Variants in MTMR11 observed in about 807,000 individuals in gnomAD.
MTMR11 encodes the protein myotubularin-related protein 11.
In MTMR11, 89 loss-of-function variants were observed where a neutral mutation model predicts 100.0. That is an observed-to-expected ratio of 0.89 (90% CI 0.75 to 1.06). MTMR11 has a LOEUF of 1.06. MTMR11 is among the 50% of genes least tolerant of loss of function. The pLI is 0.00. For synonymous variants in MTMR11, 336 were observed against 326.3 expected (o/e 1.03, Z -0.32); for missense variants, 809 against 873.7 (o/e 0.93, Z 0.93).
At chr1:149,936,409 T>C (rs144371442) in intron 1 of MTMR11, 173 bp downstream of exon 1, 16 of 1,451,664 alleles carry the variant, frequency 1.1e-5, no homozygotes, top group Middle Eastern at 3.6e-4. Context: ...GGTTAATGGA[T>C]AATGAGACAA....
chr1:149,930,086 C>T, intron 15 of MTMR11, 170 bp from the exon 16 acceptor site: 1 of 775,180 alleles, frequency 1.3e-6, no homozygotes, highest in Non-Finnish European at 2.0e-6. Context: ...TTCAACTAGG[C>T]CTCGGGACTG....
At chr1:149,930,744 A>T in intron 14 of MTMR11, 48 bp downstream of exon 14, 1 of 1,506,122 alleles carries the variant, frequency 6.6e-7, no homozygotes, top group Non-Finnish European at 8.9e-7. Flanking sequence ...TTCAGAGAGT[A>T]CATCTCAATG....
rs1250054150 is a variant in MTMR11, at chr1:149,935,017, T to A, written c.437A>T (p.Glu146Val). Residue 146 changes from glutamate (E) to valine (V), a missense_variant, in exon 5 of 17, where the codon GAG becomes GTG. Glu to Val is a moderately radical substitution (Grantham distance 121). Transcript: ENST00000439741. ...AGCCTGAGGCTCTAGGCCTCCAGCC[T>A]CAAAACCAACTCTGAGCAGCCGGAA... Reference protein sequence around the residue: ...RDFRLLRVGFEAGGLEPQAFQ... With the variant: ...RDFRLLRVGFVAGGLEPQAFQ... 1 of 1,613,980 alleles carries A rather than the reference T, an allele frequency of 6.2e-7. No homozygotes were observed. The highest frequency in any genetic ancestry group is 1.3e-5 in the African/African-American group (1 of 75,000).
chr1:149,929,136 A>G lies in MTMR11; in HGVS notation c.2123T>C (p.Leu708Pro). The change falls in exon 17 of 17, where the codon CTG (leucine) becomes CCG (proline). Residue 708 changes from leucine to proline, a missense_variant. By Grantham distance (98) the Leu-to-Pro change is moderately conservative. Coordinates refer to ENST00000439741, the MANE Select transcript of MTMR11 (RefSeq NM_001145862.2). ...GILKGRAEGD[L>P]G The stretch of plus-strand genomic sequence containing the variant: ...ATTAGACAGAACCCTCCTCTACCCC[A>G]GATCCCCCTCTGCCCTGCCTTTGAG... 1.2e-6 allele frequency: 2 copies of G among 1,610,906 alleles called. No homozygotes were observed. Among genetic ancestry groups the G allele is most frequent in the Non-Finnish European group, 1.7e-6 (2 of 1,178,418 alleles).
chr1:149,935,091 C>T lies in MTMR11; in HGVS notation c.363G>A (p.Gly121=), dbSNP rs369523375. The change falls in exon 5 of 17, where the codon GGG becomes GGA. Residue 121 remains glycine, a synonymous_variant. Coordinates refer to ENST00000439741, the MANE Select transcript of MTMR11 (RefSeq NM_001145862.2). The part of the protein sequence containing the change: ...GLSRVQLLRP[G]SLHKFIPEEI... ...CCTCAGGGATAAATTTATGCAGGGA[C>T]CCTGGACGGAGGAGCTGGACTCGGG... 5 of 1,614,172 alleles carry T rather than the reference C, an allele frequency of 3.1e-6. No individual in the cohort carries two copies. Among genetic ancestry groups the T allele is most frequent in the Middle Eastern group, 1.7e-4 (1 of 6,060 alleles).
intron 14 of MTMR11, 29 bp downstream of exon 14, chr1:149,930,763 A>G (rs782410968): frequency 9.2e-6 from 14 of 1,524,526 alleles, no homozygotes; most frequent in Non-Finnish European, 1.1e-5. Context: ...TGGAAAAAAA[A>G]ACACGAGTCA....
chr1:149,928,731 G>A lies in MTMR11; in HGVS notation c.*398C>T, dbSNP rs1348616406. 37 of 827,042 alleles carry A rather than the reference G, an allele frequency of 4.5e-5. No individual in the cohort carries two copies. Among genetic ancestry groups the A allele is most frequent in the Admixed American group, 2.1e-4 (9 of 43,378 alleles). 51.2% of individuals were successfully genotyped at this position (827,042 alleles called of 1,614,324 possible). On this transcript the variant is annotated 3_prime_UTR_variant, in exon 17 of 17. Coordinates refer to ENST00000439741, the MANE Select transcript of MTMR11 (RefSeq NM_001145862.2). Reference sequence around the variant, plus strand: ...ATACAGAGGAGATAGGGTGTTTCCTGTATCCGCCTCATTCCCATAGAAAAC... The same window carrying A: ...ATACAGAGGAGATAGGGTGTTTCCTATATCCGCCTCATTCCCATAGAAAAC...
At chr1:149,936,106 C>T (rs1553769123) in intron 2 of MTMR11, 48 bp downstream of exon 2, 6 of 1,564,874 alleles carry the variant, frequency 3.8e-6, no homozygotes, top group South Asian at 1.1e-5. Flanking sequence ...ACAAGATTGG[C>T]GTAGGATGAA....
chr1:149,930,936 ACAAT>A lies in MTMR11; in HGVS notation c.1316_1319del (p.Asp439ValfsTer36). 6.2e-7 allele frequency: 1 copy of A among 1,609,320 alleles called. No homozygotes were observed. The highest frequency in any genetic ancestry group is 1.1e-5 in the South Asian group (1 of 90,102). On this transcript the variant is annotated frameshift_variant, in exon 14 of 17. Coordinates refer to ENST00000439741, the MANE Select transcript of MTMR11 (RefSeq NM_001145862.2). LOFTEE classifies it high-confidence loss of function. ...GAAACTGCTGGAGGAGCTGCCAGAC[ACAAT>A]CAAGGAAGAGGAGAAACACCGGAGC...
Position 149,935,040 on chromosome 1 carries a change from G to C in MTMR11, c.414C>G (p.Phe138Leu). The C allele has an allele frequency of 6.2e-7, 1 of 1,614,130 alleles. No individual in the cohort carries two copies. The highest frequency in any genetic ancestry group is 8.5e-7 in the Non-Finnish European group (1 of 1,180,038). ...CCTCAAAACCAACTCTGAGCAGCCGGAAGTCTCGGCCATGAATCAGAATCT... is the reference window on the plus strand; with the variant it reads ...CCTCAAAACCAACTCTGAGCAGCCGCAAGTCTCGGCCATGAATCAGAATCT... ...PEEILIHGRD[F>L]RLLRVGFEAG... The change falls in exon 5 of 17, where the codon TTC becomes TTG. Residue 138 changes from phenylalanine (F) to leucine (L), a missense_variant. By Grantham distance (22) the Phe-to-Leu change is conservative (BLOSUM62 0). Coordinates refer to ENST00000439741, the MANE Select transcript of MTMR11 (RefSeq NM_001145862.2).
In MTMR11 at chr1:149,933,829, GCCATTACCCTAA is replaced by G; in HGVS notation, c.771+14_771+25del. On this transcript the variant is annotated intron_variant, in intron 8 of 16. Coordinates refer to ENST00000439741, the MANE Select transcript of MTMR11 (RefSeq NM_001145862.2). The stretch of plus-strand genomic sequence containing the variant: ...GGCCCACATGACCCTCTAATCCACA[GCCATTACCCTAA>G]CCATCACACTGACCGGTCCACGGCC... 6.2e-7 allele frequency: 1 copy of G among 1,611,580 alleles called. No homozygotes were observed. The highest frequency in any genetic ancestry group is 8.5e-7 in the Non-Finnish European group (1 of 1,177,758).
intron 1 of MTMR11, 87 bp downstream of exon 1, chr1:149,936,495 C>G: frequency 7.9e-7 from 1 of 1,264,676 alleles, no homozygotes; most frequent in Non-Finnish European, 1.1e-6. Context: ...CCTCCTCCTC[C>G]TCTAGAGCCT....
At position 149,930,473 on chromosome 1, in the gene MTMR11, C is replaced by A; in HGVS notation, c.1539G>T (p.Leu513=). ...PPAGNSFNLQ[L]SVWDWDLRYS... Reference sequence around the variant, plus strand: ...AACGTAAATCCCAGTCCCAGACAGACAGCTGCAGGTTAAAAGAGTTCCCAG... The same window carrying A: ...AACGTAAATCCCAGTCCCAGACAGAAAGCTGCAGGTTAAAAGAGTTCCCAG... The change falls in exon 15 of 17, where the codon CTG becomes CTT. Residue 513 remains leucine, a synonymous_variant. Coordinates refer to ENST00000439741, the MANE Select transcript of MTMR11 (RefSeq NM_001145862.2). The A allele has an allele frequency of 6.2e-7, 1 of 1,614,056 alleles. No individual in the cohort carries two copies. The highest frequency in any genetic ancestry group is 2.2e-5 in the East Asian group (1 of 44,884).
Position 149,934,496 on chromosome 1 carries a change from G to A in MTMR11, c.499C>T (p.Gln167Ter). ...GAATACTGTTGGGCTTGATTGCTCT[G>A]AGCTCTGGCTTGGACAATGGCCATG... is the stretch of plus-strand genomic sequence containing the variant. ...VTMAIVQARA[Q>*]SNQAQQYSGI... The change falls in exon 6 of 17, where the codon CAG becomes TAG. Residue 167 changes from glutamine (Q) to a stop codon, truncating the protein, a stop_gained. Coordinates refer to ENST00000439741, the MANE Select transcript of MTMR11 (RefSeq NM_001145862.2). LOFTEE classifies it high-confidence loss of function. 1 of 1,614,202 alleles carries A rather than the reference G, an allele frequency of 6.2e-7. No individual in the cohort carries two copies. The highest frequency in any genetic ancestry group is 8.5e-7 in the Non-Finnish European group (1 of 1,180,048).
rs142943862 is a variant in MTMR11 at position 149,929,800 on chromosome 1, A to G, written c.1764T>C (p.Ser588=). The G allele has an allele frequency of 6.2e-7, 1 of 1,614,190 alleles. No individual in the cohort carries two copies. Among genetic ancestry groups the G allele is most frequent in the South Asian group, 1.1e-5 (1 of 91,082 alleles). ...TAGCAGGTCGAGGGAGCCAACGAGAAGAGACTGCCAGCAGGGAAGGACTGT... is the reference window on the plus strand; with the variant it reads ...TAGCAGGTCGAGGGAGCCAACGAGAGGAGACTGCCAGCAGGGAAGGACTGT... The part of the protein sequence containing the change: ...WRDSPSLLAV[S]SRWLPRPAIS... The change falls in exon 16 of 17, where the codon TCT becomes TCC. Residue 588 remains serine, a synonymous_variant. Transcript: ENST00000439741.
chr1:149,933,912 T>G lies in MTMR11; in HGVS notation c.714A>C (p.Arg238=). The G allele has an allele frequency of 6.2e-7, 1 of 1,614,194 alleles. No individual in the cohort carries two copies. The highest frequency in any genetic ancestry group is 8.5e-7 in the Non-Finnish European group (1 of 1,180,022). ...SLPRYFWVPN[R]ILDSEVRRAF... ...CTCTCCTGACCTCACTGTCCAGAAT[T>G]CGGTTAGGGACCCAGAAGTAACGGG... The change falls in exon 8 of 17, where the codon CGA becomes CGC. Residue 238 remains arginine, a synonymous_variant. Transcript: ENST00000439741.
Position 149,933,588 on chromosome 1 carries a change from C to G in MTMR11, c.860+22G>C. ...TACCCTGAGCACCTAACCCTTGATT[C>G]TTCTCATCAAGCCTCCCTCACCTGA... On this transcript the variant is annotated intron_variant, in intron 9 of 16. Coordinates refer to ENST00000439741, the MANE Select transcript of MTMR11 (RefSeq NM_001145862.2). The G allele has an allele frequency of 1.9e-6, 3 of 1,614,136 alleles. No homozygotes were observed. The African/African-American group carries it at 4.0e-5, about 22-fold the overall frequency.
At chr1:149,930,296 A>G in intron 15 of MTMR11, 69 bp downstream of exon 15, 1 of 1,451,460 alleles carries the variant, frequency 6.9e-7, no homozygotes, top group Non-Finnish European at 9.4e-7. Context: ...TTTGTCTTTC[A>G]CTTCTCACTG....
Position 149,933,928 on chromosome 1 carries a change from A to G in MTMR11, c.698T>C (p.Phe233Ser), listed in dbSNP as rs782407556. Residue 233 changes from phenylalanine to serine, a missense_variant, in exon 8 of 17, where the codon TTC (phenylalanine) becomes TCC (serine). Phe to Ser is a radical substitution (Grantham distance 155). Transcript: ENST00000439741. ...FDVATSLPRY[F>S]WVPNRILDSE... ...GTCCAGAATTCGGTTAGGGACCCAG[A>G]AGTAACGGGGGAGGCTGTGAAATGA... is the stretch of plus-strand genomic sequence containing the variant. 1 of 1,614,092 alleles carries G rather than the reference A, an allele frequency of 6.2e-7. No homozygotes were observed. Among genetic ancestry groups the G allele is most frequent in the South Asian group, 1.1e-5 (1 of 91,086 alleles).
Sources: allele counts gnomAD v4.1 joint callset, GRCh38; gene constraint gnomAD v4.1.1; transcripts MANE v1.5; gene names NCBI Gene and HGNC (gene_info 2026-07-23, HGNC 2026-07-21).